ZNF560: variants seen among roughly 807,000 people sequenced by gnomAD.
ZNF560 encodes zinc finger protein 560.
A neutral mutation model predicts 81.8 loss-of-function variants in ZNF560; 54 were observed. That is an observed-to-expected ratio of 0.66 (90% CI 0.53 to 0.83). The LOEUF (loss-of-function observed/expected upper bound fraction) is 0.83, where lower values mean the gene tolerates loss of function less well. Among genes scored for constraint, ZNF560 ranks in the 40% least tolerant of loss-of-function variants. The pLI, the probability that ZNF560 is intolerant of heterozygous loss-of-function variation, is 0.00. For synonymous variants in ZNF560, 321 were observed against 317.9 expected (o/e 1.01, Z -0.10); for missense variants, 940 against 932.4 (o/e 1.01, Z -0.11).
chr19:9,450,702 A>G, the ZNF560 span, among the ~76,000 whole-genome samples: 8 of 151,884 alleles, frequency 5.3e-5, no homozygotes, highest in Non-Finnish European at 1.0e-4. Flanking sequence ...GATAATTTTT[A>G]TATTTTTAGT....
upstream of ZNF560, among the ~76,000 whole-genome samples, chr19:9,499,622 T>C (rs977057370): frequency 6.6e-6 from 1 of 152,224 alleles, no homozygotes; most frequent in African/African-American, 2.4e-5. Flanking sequence ...TCTTCACTTA[T>C]TCTGTGCAGA....
upstream of ZNF560, among the ~76,000 whole-genome samples, chr19:9,501,702 T>C (rs145230895): frequency 2.1e-3 from 315 of 151,752 alleles, 2 homozygotes; most frequent in African/African-American, 7.3e-3. Flanking sequence ...TTTCGCCATG[T>C]TACCCAGGCT....
At chr19:9,503,845 T>C in the ZNF560 span, among the ~76,000 whole-genome samples, 1 of 152,196 alleles carries the variant, frequency 6.6e-6, no homozygotes, top group African/African-American at 2.4e-5. Flanking sequence ...ACCTAATTGC[T>C]TTAATTGACA....
rs1599648808 is a variant in ZNF560 at position 9,467,953 on chromosome 19, A to G, written c.994T>C (p.Ser332Pro). 2 of 1,613,980 alleles carry G rather than the reference A, an allele frequency of 1.2e-6. No homozygotes were observed. The highest frequency in any genetic ancestry group is 2.7e-5 in the African/African-American group (2 of 74,924). The change falls in exon 10 of 10, where the codon TCC becomes CCC. Residue 332 changes from serine (S) to proline (P), a missense_variant. Physicochemically the swap from Ser to Pro is moderately conservative, Grantham distance 74 (BLOSUM62 -1). Transcript: ENST00000301480. ...TCAACATTTACAGCATGGCTTGTGG[A>G]GTGAGTAAATGCTTCCCCACATTGC... is the stretch of plus-strand genomic sequence containing the variant. ...WKQCGEAFTHSTSHAVNVETH... is the reference protein window; with the variant it reads ...WKQCGEAFTHPTSHAVNVETH...
At position 9,494,644 on chromosome 19, in the gene ZNF560, G is replaced by A. The variant is rs540963507; in HGVS notation, c.-57+3484C>T. 1.6e-4 allele frequency among the ~76,000 whole-genome samples: 24 copies of A among 152,010 alleles called. No individual in the cohort carries two copies. In the South Asian group the frequency reaches 5.0e-3, roughly 32 times the overall value. Reference sequence around the variant, plus strand: ...CCAGCTACTCGGGAAGATGAGGCAGGAGAATTGCTTGAACCTGGGAGGCAG... The same window carrying A: ...CCAGCTACTCGGGAAGATGAGGCAGAAGAATTGCTTGAACCTGGGAGGCAG... On this transcript the variant is annotated intron_variant, in intron 2 of 9. Coordinates refer to ENST00000301480, the MANE Select transcript of ZNF560 (RefSeq NM_152476.3).
At chr19:9,460,544 C>T in the ZNF560 span, among the ~76,000 whole-genome samples, 1 of 152,176 alleles carries the variant, frequency 6.6e-6, no homozygotes, top group African/African-American at 2.4e-5. Context: ...AGGCCCATCT[C>T]ACCCACACAG....
chr19:9,455,258 C>A, the ZNF560 span, among the ~76,000 whole-genome samples: 1 of 152,160 alleles, frequency 6.6e-6, no homozygotes, highest in Non-Finnish European at 1.5e-5. Flanking sequence ...GTTCTCCTTT[C>A]GTGATGGGTC....
At chr19:9,500,548 G>A (rs7248678), upstream of ZNF560, among the ~76,000 whole-genome samples, 62,410 of 151,736 alleles carry the variant, frequency 0.41, 15,272 homozygotes, top group Non-Finnish European at 0.55. Context: ...GTTTTGTCAC[G>A]TTGAATAAAC....
the ZNF560 span, among the ~76,000 whole-genome samples, chr19:9,458,301 T>G: frequency 2.0e-5 from 3 of 152,242 alleles, no homozygotes; most frequent in Admixed American, 6.5e-5. Flanking sequence ...ACTAATTGGA[T>G]TCTCCCTAAA....
chr19:9,458,217 C>T, the ZNF560 span, among the ~76,000 whole-genome samples: 10 of 152,158 alleles, frequency 6.6e-5, no homozygotes, highest in Non-Finnish European at 5.9e-5. Context: ...CTTGTTAAAC[C>T]CATTTAGCTG....
At chr19:9,454,431 G>A in the ZNF560 span, among the ~76,000 whole-genome samples, 12 of 152,178 alleles carry the variant, frequency 7.9e-5, no homozygotes, top group African/African-American at 2.7e-4. Flanking sequence ...CGGGTCGAAG[G>A]GTCGCCAGAG....
chr19:9,468,231 C>A lies in ZNF560; in HGVS notation c.716G>T (p.Gly239Val). Residue 239 changes from glycine (G) to valine (V), a missense_variant, in exon 10 of 10, where the codon GGC becomes GTC. Transcript: ENST00000301480. ...LKTNMSTQNR[G>V]NTSECIQYAK... ...ATACTGAATACATTCAGACGTGTTG[C>A]CTCTATTTTGAGTACTCATGTTGGT... The A allele has an allele frequency of 6.2e-7, 1 of 1,614,050 alleles. No homozygotes were observed. The highest frequency in any genetic ancestry group is 8.5e-7 in the Non-Finnish European group (1 of 1,179,974).
chr19:9,500,027 ATTTG>A (rs1157906342), upstream of ZNF560, among the ~76,000 whole-genome samples: 1 of 152,094 alleles, frequency 6.6e-6, no homozygotes, highest in Non-Finnish European at 1.5e-5. Flanking sequence ...ATATATTTTT[ATTTG>A]TTCTATTCTA....
intron 2 of ZNF560, among the ~76,000 whole-genome samples, chr19:9,476,852 G>T (rs1254404751): frequency 6.6e-6 from 1 of 152,068 alleles, no homozygotes; most frequent in Admixed American, 6.6e-5. Flanking sequence ...GCAGATTTTT[G>T]GAAAAACTTA....
chr19:9,469,863 C>T (rs2073094831), intron 7 of ZNF560, 153 bp from the exon 8 acceptor site: 2 of 610,532 alleles, frequency 3.3e-6, no homozygotes. Flanking sequence ...CACTGGTTAT[C>T]TCTGACCTCT....
At chr19:9,474,957 G>C (rs2073178042) in intron 3 of ZNF560, among the ~76,000 whole-genome samples, 1 of 151,028 alleles carries the variant, frequency 6.6e-6, no homozygotes, top group African/African-American at 2.4e-5. Flanking sequence ...ACAAGTGTGA[G>C]CCACTGCACC....
chr19:9,502,400 T>A (rs1190595140), upstream of ZNF560, among the ~76,000 whole-genome samples: 1 of 151,846 alleles, frequency 6.6e-6, no homozygotes, highest in African/African-American at 2.4e-5. Context: ...TTAGTAGAGA[T>A]GGGGTTTCAC....
chr19:9,450,504 C>T, the ZNF560 span, among the ~76,000 whole-genome samples: 3 of 152,060 alleles, frequency 2.0e-5, no homozygotes, highest in African/African-American at 4.8e-5. Context: ...ATTTAGAAAA[C>T]TCAATTCAGT....
chr19:9,448,592 C>T, the ZNF560 span, among the ~76,000 whole-genome samples: 1 of 151,898 alleles, frequency 6.6e-6, no homozygotes, highest in East Asian at 1.9e-4. Context: ...CACAAAACAA[C>T]CAAACCTAAG....
Sources: gnomAD v4.1 joint callset for allele counts (sites outside exome capture counted in the v4.1 genomes callset) on GRCh38, gnomAD v4.1.1 for gene constraint, MANE v1.5 for transcripts, NCBI Gene and HGNC (gene_info 2026-07-23, HGNC 2026-07-21) for gene names.